RAB3C: variants seen among roughly 807,000 people sequenced by gnomAD.
RAB3C encodes RAB3C, member RAS oncogene family.
RAB3C carries 17 observed loss-of-function variants against 26.4 expected under a neutral mutation model. The ratio of observed to expected loss-of-function variants is 0.64; its 90% CI spans 0.44 to 0.97. The LOEUF (loss-of-function observed/expected upper bound fraction) is 0.97. Among genes scored for constraint, RAB3C ranks in the 50% least tolerant of loss-of-function variants. RAB3C has a pLI of 0.00. For synonymous variants in RAB3C, 91 were observed against 95.9 expected (o/e 0.95, Z 0.30); for missense variants, 242 against 281.9 (o/e 0.86, Z 1.01).
At chr5:58,847,260 T>C (rs1744024759) in intron 4 of RAB3C, among the ~76,000 whole-genome samples, 1 of 152,186 alleles carries the variant, frequency 6.6e-6, no homozygotes, top group African/African-American at 2.4e-5. Flanking sequence ...ATCAGTAACT[T>C]ATTTATCAGG....
At chr5:58,611,227 G>T (rs1746693959) in intron 1 of RAB3C, among the ~76,000 whole-genome samples, 1 of 147,790 alleles carries the variant, frequency 6.8e-6, no homozygotes, top group Admixed American at 6.8e-5. Flanking sequence ...ACAATGTCTG[G>T]TCCTTTGGGT....
chr5:58,624,700 A>C (rs991551715), intron 2 of RAB3C, among the ~76,000 whole-genome samples: 1 of 152,210 alleles, frequency 6.6e-6, no homozygotes, highest in Admixed American at 6.5e-5. Context: ...CTAGTACCAA[A>C]GAGCAATGTA....
At chr5:58,805,171 T>A (rs1381881454) in intron 3 of RAB3C, among the ~76,000 whole-genome samples, 2 of 152,014 alleles carry the variant, frequency 1.3e-5, no homozygotes, top group Non-Finnish European at 1.5e-5. Flanking sequence ...TACAAGCAAG[T>A]CTCCCTATTT....
chr5:58,634,409 A>G (rs1747246555), intron 2 of RAB3C, among the ~76,000 whole-genome samples: 1 of 152,220 alleles, frequency 6.6e-6, no homozygotes, highest in African/African-American at 2.4e-5. Flanking sequence ...AATCAGCTCC[A>G]TTCTAGAGGC....
intron 2 of RAB3C, among the ~76,000 whole-genome samples, chr5:58,673,191 A>C (rs1748155661): frequency 6.6e-6 from 1 of 151,980 alleles, no homozygotes; most frequent in South Asian, 2.1e-4. Context: ...CCTTGGAAAA[A>C]CCCACAACCC....
At chr5:58,691,723 G>C (rs1463924728) in intron 2 of RAB3C, among the ~76,000 whole-genome samples, 1 of 152,092 alleles carries the variant, frequency 6.6e-6, no homozygotes, top group African/African-American at 2.4e-5. Flanking sequence ...ATACAAGTGG[G>C]TGTTTGATCT....
intron 2 of RAB3C, among the ~76,000 whole-genome samples, chr5:58,674,198 A>G (rs774655720): frequency 1.1e-4 from 17 of 152,208 alleles, no homozygotes; most frequent in Non-Finnish European, 2.2e-4. Flanking sequence ...TGTGATGTTT[A>G]TTATTTAGTG....
At chr5:58,810,137 G>A (rs295653) in intron 3 of RAB3C, among the ~76,000 whole-genome samples, 1 of 151,870 alleles carries the variant, frequency 6.6e-6, no homozygotes, top group Non-Finnish European at 1.5e-5. Context: ...AACACTCAAA[G>A]CTTCACCCCT....
chr5:58,722,552 A>T (rs959480702), intron 2 of RAB3C, among the ~76,000 whole-genome samples: 4 of 151,922 alleles, frequency 2.6e-5, no homozygotes, highest in Non-Finnish European at 5.9e-5. Flanking sequence ...GGAAAATTTT[A>T]AAATAGACTG....
At chr5:58,592,502 T>G (rs2111659870) in intron 1 of RAB3C, among the ~76,000 whole-genome samples, 1 of 152,280 alleles carries the variant, frequency 6.6e-6, no homozygotes, top group African/African-American at 2.4e-5. Flanking sequence ...TGTGTTTGTC[T>G]TTCACCTATG....
chr5:58,650,018 A>C (rs1239535891), intron 2 of RAB3C, among the ~76,000 whole-genome samples: 1 of 152,118 alleles, frequency 6.6e-6, no homozygotes, highest in Non-Finnish European at 1.5e-5. Context: ...TGCATTTCTG[A>C]CTTTCTGCCT....
At chr5:58,753,260 CATT>C (rs1175981317) in intron 3 of RAB3C, among the ~76,000 whole-genome samples, 1 of 152,136 alleles carries the variant, frequency 6.6e-6, no homozygotes, top group East Asian at 1.9e-4. Flanking sequence ...TATGTAGAGG[CATT>C]ATTTAGCTGA....
chr5:58,739,200 T>C (rs1323730038), intron 3 of RAB3C, among the ~76,000 whole-genome samples: 2 of 152,218 alleles, frequency 1.3e-5, no homozygotes, highest in African/African-American at 4.8e-5. Context: ...CCTCAGCCAA[T>C]GTGTTCAGTA....
intron 3 of RAB3C, among the ~76,000 whole-genome samples, chr5:58,804,737 A>G (rs997623401): frequency 2.6e-5 from 4 of 152,040 alleles, no homozygotes; most frequent in Non-Finnish European, 4.4e-5. Flanking sequence ...CTCCAGAGCA[A>G]TGTTCATACA....
intron 1 of RAB3C, among the ~76,000 whole-genome samples, chr5:58,596,060 A>G (rs1227868989): frequency 6.6e-6 from 1 of 152,032 alleles, no homozygotes; most frequent in East Asian, 1.9e-4. Context: ...TGGACTTTCA[A>G]CCAATTCTCT....
At chr5:58,586,011 A>G (rs112523759) in intron 1 of RAB3C, among the ~76,000 whole-genome samples, 8 of 152,080 alleles carry the variant, frequency 5.3e-5, no homozygotes, top group Non-Finnish European at 7.4e-5. Context: ...TGAGGACAAG[A>G]CTCTGGTTAA....
At chr5:58,639,839 CT>C (rs1356142866) in intron 2 of RAB3C, among the ~76,000 whole-genome samples, 1 of 152,202 alleles carries the variant, frequency 6.6e-6, no homozygotes. Context: ...TAAAACTTAT[CT>C]GTTAACTGTG....
At chr5:58,708,867 G>T (rs1005606204) in intron 2 of RAB3C, among the ~76,000 whole-genome samples, 2 of 152,150 alleles carry the variant, frequency 1.3e-5, no homozygotes, top group Admixed American at 6.5e-5. Context: ...TGAAAATAAA[G>T]AATTAAATTT....
chr5:58,705,310 A>C (rs533065366), intron 2 of RAB3C, among the ~76,000 whole-genome samples: 1 of 152,314 alleles, frequency 6.6e-6, no homozygotes, highest in African/African-American at 2.4e-5. Flanking sequence ...GCTTCTCACA[A>C]GCGAATTCCA....
Sources: allele counts gnomAD v4.1 joint callset (sites outside exome capture counted in the v4.1 genomes callset), GRCh38; gene constraint gnomAD v4.1.1; transcripts MANE v1.5; gene names NCBI Gene and HGNC (gene_info 2026-07-23, HGNC 2026-07-21).